The following CHCHD6 variants were observed in gnomAD, a reference collection of about 807,000 sequenced individuals.
CHCHD6 encodes MICOS complex subunit MIC25.
Under a neutral mutation model 32.3 loss-of-function variants are expected in CHCHD6, and 28 were observed. The observed-to-expected ratio is 0.87, with a 90% CI of 0.64 to 1.19. CHCHD6 has a LOEUF of 1.19. CHCHD6 is among the 50% of genes most tolerant of loss of function. The pLI is 0.00. For synonymous variants in CHCHD6, 122 were observed against 117.5 expected, an observed-to-expected ratio of 1.04 and a Z score of -0.25; for missense variants, 333 against 307.0, an observed-to-expected ratio of 1.08 and a Z score of -0.63.
chr3:126,761,142 C>T (rs1044795488), intron 4 of CHCHD6, among the ~76,000 whole-genome samples: 3 of 152,180 alleles, frequency 2.0e-5, no homozygotes, highest in Admixed American at 6.5e-5. Flanking sequence ...TATATATATA[C>T]GCACACACCC....
chr3:126,824,485 C>T (rs527498585), intron 4 of CHCHD6, among the ~76,000 whole-genome samples: 28 of 126,562 alleles, frequency 2.2e-4, no homozygotes, highest in Admixed American at 6.1e-4. Flanking sequence ...CGCTTGAACC[C>T]GGGAGGCAGA....
chr3:126,925,287 A>ACGG (rs2078306748), intron 6 of CHCHD6, among the ~76,000 whole-genome samples: 1 of 152,060 alleles, frequency 6.6e-6, no homozygotes, highest in Non-Finnish European at 1.5e-5. Flanking sequence ...AGGTAAACAC[A>ACGG]CGGTTTGGGC....
At chr3:126,957,612 A>G (rs2078805182) in intron 7 of CHCHD6, 61 bp downstream of exon 7, 8 of 1,523,024 alleles carry the variant, frequency 5.3e-6, no homozygotes, top group African/African-American at 1.4e-5. Context: ...AGGTACCTCT[A>G]TCTAGCATTG....
At chr3:126,913,372 G>C (rs2078123751) in intron 5 of CHCHD6, among the ~76,000 whole-genome samples, 1 of 151,634 alleles carries the variant, frequency 6.6e-6, no homozygotes, top group South Asian at 2.1e-4. Flanking sequence ...TGGGATTACA[G>C]GCACCCGCCA....
chr3:126,758,167 G>T (rs534756920), intron 4 of CHCHD6, among the ~76,000 whole-genome samples: 3 of 152,170 alleles, frequency 2.0e-5, no homozygotes, highest in South Asian at 2.1e-4. Context: ...TGATTAAAAG[G>T]CCCCAGCTAA....
intron 5 of CHCHD6, among the ~76,000 whole-genome samples, chr3:126,880,834 G>A (rs1375650776): frequency 5.9e-5 from 9 of 152,222 alleles, no homozygotes; most frequent in Admixed American, 4.6e-4. Context: ...AGGAAGTCAT[G>A]AAACAAGAAA....
chr3:126,791,432 A>G (rs1208780896), intron 4 of CHCHD6, among the ~76,000 whole-genome samples: 5 of 152,236 alleles, frequency 3.3e-5, no homozygotes, highest in Non-Finnish European at 7.3e-5. Context: ...TGGAGTCTAC[A>G]GAGGCAGGCA....
chr3:126,933,768 T>C lies in CHCHD6; in HGVS notation c.566+19018T>C, dbSNP rs114325512. Among the ~76,000 whole-genome samples, 133 of 152,304 alleles carry C rather than the reference T, an allele frequency of 8.7e-4. 2 individuals carry two copies. The highest frequency in any genetic ancestry group is 3.2e-3 in the African/African-American group (131 of 41,566). On this transcript the variant is annotated intron_variant, in intron 6 of 7. Coordinates refer to ENST00000290913, the MANE Select transcript of CHCHD6 (RefSeq NM_032343.3). ...TGGAGACTGAAATATCCAAACCACA[T>C]CAATTCTTCATTCACACTTCATGTT...
intron 4 of CHCHD6, among the ~76,000 whole-genome samples, chr3:126,760,233 T>TG (rs1226377576): frequency 6.6e-5 from 10 of 152,348 alleles, no homozygotes; most frequent in African/African-American, 2.2e-4. Context: ...TGTGGGGTGA[T>TG]GCTTTGCAAG....
chr3:126,955,166 G>C, intron 6 of CHCHD6, among the ~76,000 whole-genome samples: 1 of 152,274 alleles, frequency 6.6e-6, no homozygotes. Flanking sequence ...ACACACCCAT[G>C]TCACAGTTCT....
At chr3:126,889,866 C>T (rs940508279) in intron 5 of CHCHD6, among the ~76,000 whole-genome samples, 4 of 152,258 alleles carry the variant, frequency 2.6e-5, no homozygotes, top group African/African-American at 7.2e-5. Context: ...CCGCAGAAAG[C>T]GTTCCAGCAG....
At chr3:126,818,502 A>G (rs1418943405) in intron 4 of CHCHD6, among the ~76,000 whole-genome samples, 14 of 152,296 alleles carry the variant, frequency 9.2e-5, no homozygotes, top group African/African-American at 3.1e-4. Flanking sequence ...TTATTTTTTA[A>G]GAGGAAATCA....
rs201818033 is a variant in CHCHD6 at position 126,892,785 on chromosome 3, G to GT, written c.496-21894dup. Among the ~76,000 whole-genome samples, 932 of 152,324 alleles carry GT rather than the reference G, an allele frequency of 6.1e-3. 9 individuals carry two copies. The highest frequency in any genetic ancestry group is 0.021 in the African/African-American group (892 of 41,574). The stretch of plus-strand genomic sequence containing the variant: ...TAAAAGCAAACGCAGCTCCTCCGCT[G>GT]TAACACAGCGCACCCATGCCTTGCC... On this transcript the variant is annotated intron_variant, in intron 5 of 7. Coordinates refer to ENST00000290913, the MANE Select transcript of CHCHD6 (RefSeq NM_032343.3).
chr3:126,845,251 T>G (rs1357559510), intron 4 of CHCHD6, among the ~76,000 whole-genome samples: 1 of 152,208 alleles, frequency 6.6e-6, no homozygotes, highest in Non-Finnish European at 1.5e-5. Flanking sequence ...GCTTCTTTCT[T>G]GCAGGTTTGT....
chr3:126,799,068 A>G (rs1559850465), intron 4 of CHCHD6, among the ~76,000 whole-genome samples: 1 of 152,156 alleles, frequency 6.6e-6, no homozygotes, highest in Non-Finnish European at 1.5e-5. Context: ...TTGCATTACC[A>G]GGCTTGGCCC....
intron 4 of CHCHD6, among the ~76,000 whole-genome samples, chr3:126,834,003 G>A (rs1207093415): frequency 2.3e-5 from 3 of 128,066 alleles, no homozygotes; most frequent in Admixed American, 1.9e-4. Flanking sequence ...GCAGTGAGCC[G>A]AGATCCCGCC....
intron 6 of CHCHD6, among the ~76,000 whole-genome samples, chr3:126,917,773 C>T (rs574147142): frequency 1.8e-4 from 27 of 152,170 alleles, no homozygotes; most frequent in Non-Finnish European, 3.1e-4. Context: ...GATTTGTGCC[C>T]TTATGAAAGG....
intron 5 of CHCHD6, among the ~76,000 whole-genome samples, chr3:126,885,079 G>C (rs1020409643): frequency 6.6e-6 from 1 of 152,140 alleles, no homozygotes; most frequent in African/African-American, 2.4e-5. Context: ...CAAGTGTGTA[G>C]AAAGCCAGTT....
rs542234438 is a variant in CHCHD6 at position 126,729,503 on chromosome 3, A to G, written c.197-1058A>G. 7.9e-5 allele frequency among the ~76,000 whole-genome samples: 12 copies of G among 152,336 alleles called. No homozygotes were observed. In the East Asian group the frequency reaches 2.3e-3, roughly 29 times the overall value. Reference sequence around the variant, plus strand: ...AAATTATATAAAAAGCAAAAATACCAGACATTAAACCTCAGTAAAGCTCTT... The same window carrying G: ...AAATTATATAAAAAGCAAAAATACCGGACATTAAACCTCAGTAAAGCTCTT... On this transcript the variant is annotated intron_variant, in intron 2 of 7. Coordinates refer to ENST00000290913, the MANE Select transcript of CHCHD6 (RefSeq NM_032343.3).
Sources: allele counts gnomAD v4.1 joint callset (sites outside exome capture counted in the v4.1 genomes callset), GRCh38; gene constraint gnomAD v4.1.1; transcripts MANE v1.5; gene names NCBI Gene and HGNC (gene_info 2026-07-23, HGNC 2026-07-21).